The following CASK variants were observed in gnomAD, a reference collection of about 807,000 sequenced individuals.
CASK encodes the protein calcium/calmodulin dependent serine protein kinase.
In CASK, 4 loss-of-function variants were observed where a neutral mutation model predicts 82.9. The observed-to-expected ratio is 0.05, with a 90% CI of 0.02 to 0.11. The LOEUF (loss-of-function observed/expected upper bound fraction) is 0.11. CASK is among the 10% of genes least tolerant of loss of function. The probability of loss-of-function intolerance (pLI) is 1.00; values close to 1 mark genes in which losing one functional copy is unlikely to be tolerated. For missense variants in CASK, 358 were observed against 720.9 expected (o/e 0.50, Z 5.76); for synonymous variants, 259 against 253.5 (o/e 1.02, Z -0.20).
intron 8 of CASK, among the ~76,000 whole-genome samples, chrX:41,645,191 T>C (rs1187229697): frequency 9.0e-6 from 1 of 111,390 alleles, no homozygotes; most frequent in African/African-American, 3.3e-5. Context: ...AAAAACCCAA[T>C]TGTCCCAACA....
chrX:41,576,940 T>C (rs940916221), intron 15 of CASK, among the ~76,000 whole-genome samples: 2 of 112,065 alleles, frequency 1.8e-5, no homozygotes, highest in African/African-American at 6.5e-5. Flanking sequence ...GGACCAGAAA[T>C]GTCTAAGCTG....
intron 1 of CASK, among the ~76,000 whole-genome samples, chrX:41,860,789 C>T (rs1029316179): frequency 2.7e-5 from 3 of 112,182 alleles, no homozygotes; most frequent in South Asian, 7.4e-4. Context: ...TCATTGCTAC[C>T]GCAAAAAACA....
intron 21 of CASK, among the ~76,000 whole-genome samples, 159 bp from the exon 22 acceptor site, chrX:41,542,965 G>A (rs2064968698): frequency 8.9e-6 from 1 of 112,354 alleles, no homozygotes; most frequent in Non-Finnish European, 1.9e-5. Flanking sequence ...TGGTTTTCAT[G>A]ACAATTTCCT....
intron 1 of CASK, among the ~76,000 whole-genome samples, chrX:41,901,587 G>A (rs753868537): frequency 1.5e-4 from 17 of 111,812 alleles, no homozygotes; most frequent in South Asian, 3.8e-4. Flanking sequence ...CAGAAATTCC[G>A]GAGGGCTGTC....
intron 12 of CASK, among the ~76,000 whole-genome samples, chrX:41,596,679 C>T (rs775097987): frequency 5.4e-5 from 6 of 110,971 alleles, no homozygotes; most frequent in Non-Finnish European, 1.1e-4. Flanking sequence ...TTAAAAAAAA[C>T]AAAAAACAAA....
chrX:41,682,270 G>A (rs889481093), intron 5 of CASK, among the ~76,000 whole-genome samples: 1 of 109,845 alleles, frequency 9.1e-6, no homozygotes, highest in African/African-American at 3.3e-5. Flanking sequence ...GAAGGTGAAG[G>A]GGTCAGGTGT....
chrX:41,750,526 T>C (rs2068768417), intron 3 of CASK, among the ~76,000 whole-genome samples: 2 of 111,783 alleles, frequency 1.8e-5, no homozygotes, highest in South Asian at 7.4e-4. Context: ...AACCCTCCTA[T>C]GGAAGAGTAT....
intron 1 of CASK, among the ~76,000 whole-genome samples, chrX:41,892,343 T>C (rs28647829): frequency 0.01 from 1,105 of 109,803 alleles, 14 homozygotes; most frequent in African/African-American, 0.034. Context: ...GTTCTCTTTT[T>C]TTTCTTTTCG....
At chrX:41,898,902 T>C (rs1412994308) in intron 1 of CASK, among the ~76,000 whole-genome samples, 2 of 112,029 alleles carry the variant, frequency 1.8e-5, no homozygotes, top group Non-Finnish European at 3.8e-5. Flanking sequence ...CGTATTCTGC[T>C]ACTGTTGGAT....
At position 41,567,319 on chromosome X, in the gene CASK, G is replaced by A. The variant is rs754104160; in HGVS notation, c.1582+2349C>T. On this transcript the variant is annotated intron_variant, in intron 16 of 26. Transcript: ENST00000378163. Reference sequence around the variant, plus strand: ...AACAGGCAACCTACAGAATGGGAGAGAATTTTTGCAATCTACCCATCTGAC... The same window carrying A: ...AACAGGCAACCTACAGAATGGGAGAAAATTTTTGCAATCTACCCATCTGAC... 4.5e-3 allele frequency among the ~76,000 whole-genome samples: 505 copies of A among 111,597 alleles called. 4 individuals are homozygous for A. Among genetic ancestry groups the A allele is most frequent in the African/African-American group, 0.016 (484 of 30,730 alleles).
chrX:41,839,713 A>C (rs1002418854), intron 2 of CASK, among the ~76,000 whole-genome samples: 2 of 111,513 alleles, frequency 1.8e-5, no homozygotes, highest in Non-Finnish European at 3.8e-5. Context: ...ACTTTGCCTT[A>C]TTCCTGGTCT....
intron 2 of CASK, among the ~76,000 whole-genome samples, chrX:41,829,255 C>A (rs1287596744): frequency 2.7e-5 from 3 of 111,062 alleles, no homozygotes; most frequent in African/African-American, 9.8e-5. Context: ...ACCAGCACCT[C>A]CGTAGCTCCC....
chrX:41,794,250 T>C (rs911058392), intron 2 of CASK, among the ~76,000 whole-genome samples: 1 of 112,384 alleles, frequency 8.9e-6, no homozygotes, highest in Non-Finnish European at 1.9e-5. Context: ...AATTCAGTGT[T>C]TGACTGATGT....
At chrX:41,903,012 C>G (rs868695587) in intron 1 of CASK, among the ~76,000 whole-genome samples, 9 of 111,844 alleles carry the variant, frequency 8.0e-5, no homozygotes, top group Middle Eastern at 4.2e-3. Flanking sequence ...AAATGGGAGC[C>G]AAGGGCCTGG....
chrX:41,804,356 A>ACAAC, intron 2 of CASK, among the ~76,000 whole-genome samples: 1 of 111,396 alleles, frequency 9.0e-6, no homozygotes, highest in Admixed American at 9.5e-5. Context: ...TTAAAAACAA[A>ACAAC]CAACCAACCA....
chrX:41,710,081 T>TTGTGTGTGTG (rs57963407), intron 5 of CASK, among the ~76,000 whole-genome samples: 5,705 of 72,050 alleles, frequency 0.079, 275 homozygotes, highest in East Asian at 0.11. Flanking sequence ...GGTATAGATT[T>TTGTGTGTGTG]TGTGTGTGTG....
At chrX:41,620,761 A>G (rs747124789) in intron 11 of CASK, among the ~76,000 whole-genome samples, 2 of 112,178 alleles carry the variant, frequency 1.8e-5, no homozygotes, top group South Asian at 7.4e-4. Context: ...TGGAAACTGT[A>G]TTTTGGACAT....
intron 11 of CASK, among the ~76,000 whole-genome samples, chrX:41,613,232 C>T (rs2066132739): frequency 9.1e-6 from 1 of 110,181 alleles, no homozygotes; most frequent in African/African-American, 3.3e-5. Flanking sequence ...GGATGGTTGC[C>T]GTGTCTGTGT....
Position 41,633,604 on chromosome X carries a change from TTA to T in CASK, c.915+2972_915+2973del, listed in dbSNP as rs869267888. 1.6e-4 allele frequency among the ~76,000 whole-genome samples: 17 copies of T among 109,293 alleles called. 2 individuals are homozygous for T. The highest frequency in any genetic ancestry group is 3.0e-4 in the Admixed American group (3 of 10,136). 94.9% of individuals were successfully genotyped at this position (109,293 alleles called of 115,157 possible). On this transcript the variant is annotated intron_variant, in intron 9 of 26. Coordinates refer to ENST00000378163, the MANE Select transcript of CASK (RefSeq NM_001367721.1). Reference sequence around the variant, plus strand: ...TTGTTATCTAGAGGATTCTTTTTTTTTATTTTTTTTTAATGAAGTATTACAAT... The same window carrying T: ...TTGTTATCTAGAGGATTCTTTTTTTTTTTTTTTTTAATGAAGTATTACAAT...
Sources: allele counts gnomAD v4.1 joint callset (sites outside exome capture counted in the v4.1 genomes callset), GRCh38; gene constraint gnomAD v4.1.1; transcripts MANE v1.5; gene names NCBI Gene and HGNC (gene_info 2026-07-23, HGNC 2026-07-21).